The following ZNF518A variants were observed in gnomAD, a reference collection of about 807,000 sequenced individuals.
ZNF518A encodes zinc finger protein 518A, also known as zinc finger protein 518.
In ZNF518A, 47 loss-of-function variants were observed where a neutral mutation model predicts 102.7. That is an observed-to-expected ratio of 0.46 (90% confidence interval 0.36 to 0.58). The LOEUF (loss-of-function observed/expected upper bound fraction) is 0.58. Among genes scored for constraint, ZNF518A ranks in the 20% least tolerant of loss-of-function variants. The probability of loss-of-function intolerance (pLI) is 0.00; values close to 1 mark genes in which losing one functional copy is unlikely to be tolerated. For missense variants in ZNF518A, 1,793 were observed against 1,699.8 expected (o/e 1.05, Z -0.96); for synonymous variants, 652 against 594.6 (o/e 1.10, Z -1.40).
Position 96,157,500 on chromosome 10 carries a change from C to A in ZNF518A, c.1178C>A (p.Pro393Gln), listed in dbSNP as rs1467297321. 6.2e-7 allele frequency: 1 copy of A among 1,613,654 alleles called. No homozygotes were observed. The highest frequency in any genetic ancestry group is 1.3e-5 in the African/African-American group (1 of 74,872). Residue 393 changes from proline to glutamine, a missense_variant, in exon 6 of 6, where the codon CCA becomes CAA. Pro to Gln is a moderately conservative substitution (Grantham distance 76, BLOSUM62 -1). This residue lies in a region of ZNF518A where 1,741 missense variants were observed against 1,622.6 expected (regional missense o/e 1.07). Coordinates refer to ENST00000316045, the MANE Select transcript of ZNF518A (RefSeq NM_001330736.2). ...DKAPESESEK[P>Q]TPLSTGQGNR... is the part of the protein sequence containing the mutation. Reference sequence around the variant, plus strand: ...GCCCCTGAATCAGAGTCAGAGAAGCCAACTCCTCTGTCCACTGGGCAAGGT... The same window carrying A: ...GCCCCTGAATCAGAGTCAGAGAAGCAAACTCCTCTGTCCACTGGGCAAGGT...
Position 96,200,963 on chromosome 10 carries a change from T to C in ZNF518A, n.36-2611T>C. ...GTTTCCTGGTAACAATTTAGTGACA[T>C]CAAGAGTTCATTTCATACCTGTTCT... On this transcript the variant is annotated intron_variant and non_coding_transcript_variant, in intron 1 of 2. Transcript: ENST00000442635. The surrounding 1 kb of genome is among the most constrained non-coding windows in gnomAD (Gnocchi z 4.3). 1 of 1,608,702 alleles carries C rather than the reference T, an allele frequency of 6.2e-7. No individual in the cohort carries two copies. Among genetic ancestry groups the C allele is most frequent in the Non-Finnish European group, 8.5e-7 (1 of 1,175,076 alleles).
chr10:96,158,852 G>T lies in ZNF518A; in HGVS notation c.2530G>T (p.Gly844Cys). 6.2e-7 allele frequency: 1 copy of T among 1,613,766 alleles called. No individual in the cohort carries two copies. Among genetic ancestry groups the T allele is most frequent in the Admixed American group, 1.7e-5 (1 of 59,996 alleles). Residue 844 changes from glycine (G) to cysteine (C), a missense_variant, in exon 6 of 6, where the codon GGC becomes TGC. Around this residue, in one of 3 missense-constraint regions of ZNF518A, gnomAD observed 1,741 missense variants for 1,622.6 expected, o/e 1.07. Coordinates refer to ENST00000316045, the MANE Select transcript of ZNF518A (RefSeq NM_001330736.2). ...KVQGIFPVPP[G>C]SVGINVPTND... ...GCAAGGCATCTTCCCAGTTCCACCT[G>T]GCAGTGTGGGTATTAATGTGCCTAC...
chr10:96,204,011 A>G, exon 3 of ZNF518A: 3 of 1,552,224 alleles, frequency 1.9e-6, no homozygotes, highest in Non-Finnish European at 2.7e-6. Context: ...TCTAGGATCC[A>G]GCCTCGACCA....
chr10:96,164,750 T>C (rs1391420775), downstream of ZNF518A, among the ~76,000 whole-genome samples: 2 of 152,222 alleles, frequency 1.3e-5, no homozygotes, highest in Non-Finnish European at 2.9e-5. Context: ...GTCATGAATT[T>C]AGGAGATGCC....
rs184895215 is a variant in ZNF518A, at chr10:96,154,052, C to T, written c.-301-1274C>T. The stretch of plus-strand genomic sequence containing the variant: ...ATATATTCCATTTCCCCACTCTTGC[C>T]CTAGTCCCTGAAGGAGAACTGAACA... On this transcript the variant is annotated intron_variant, in intron 3 of 5. Coordinates refer to ENST00000316045, the MANE Select transcript of ZNF518A (RefSeq NM_001330736.2). Among the ~76,000 whole-genome samples, 44 of 152,280 alleles carry T rather than the reference C, an allele frequency of 2.9e-4. 3 individuals carry two copies. The East Asian group carries it at 6.6e-3, about 23-fold the overall frequency.
rs1564776478 is a variant in ZNF518A, at chr10:96,158,259, ATAATTC to A, written c.1942_1947del (p.Ser648_Asn649del). On this transcript the variant is annotated inframe_deletion, in exon 6 of 6. Transcript: ENST00000316045. The stretch of plus-strand genomic sequence containing the variant: ...CCTTTTCATAATTACTCAAAAGTGA[ATAATTC>A]TAATAAACGTCGTAGGTTTTCAGGA... 15 of 1,613,552 alleles carry A rather than the reference ATAATTC, an allele frequency of 9.3e-6. No individual in the cohort carries two copies. Among genetic ancestry groups the A allele is most frequent in the Non-Finnish European group, 1.2e-5 (14 of 1,179,618 alleles).
At chr10:96,180,902 T>C (rs587772180) in intron 1 of ZNF518A, among the ~76,000 whole-genome samples, 13 of 152,356 alleles carry the variant, frequency 8.5e-5, no homozygotes, top group Non-Finnish European at 1.5e-4. Context: ...TAGTTCTAGA[T>C]CCTTGAGGAA....
intron 1 of ZNF518A, among the ~76,000 whole-genome samples, chr10:96,195,912 T>C (rs2083454055): frequency 6.6e-6 from 1 of 152,216 alleles, no homozygotes; most frequent in Admixed American, 6.5e-5. Flanking sequence ...ATCAATTCAG[T>C]TGCTTAATAA....
chr10:96,175,855 T>G (rs2083199699), intron 1 of ZNF518A, among the ~76,000 whole-genome samples: 2 of 143,360 alleles, frequency 1.4e-5, no homozygotes, highest in Non-Finnish European at 3.0e-5. Context: ...ATTACAAGTA[T>G]TCCCTCCCTG....
In ZNF518A at chr10:96,158,664, C is replaced by T. The variant is rs781860222; in HGVS notation, c.2342C>T (p.Pro781Leu). 1.2e-6 allele frequency: 2 copies of T among 1,613,154 alleles called. No individual in the cohort carries two copies. Among genetic ancestry groups the T allele is most frequent in the Admixed American group, 1.7e-5 (1 of 59,822 alleles). Reference sequence around the variant, plus strand: ...CAACAGGCATCAGAATTTCTGCCACCTGAAGTAAACCAATTGCTTCAGGAT... The same window carrying T: ...CAACAGGCATCAGAATTTCTGCCACTTGAAGTAAACCAATTGCTTCAGGAT... ...QSQQASEFLP[P>L]EVNQLLQDVL... The change falls in exon 6 of 6, where the codon CCT becomes CTT. Residue 781 changes from proline (P) to leucine (L), a missense_variant. By Grantham distance (98) the Pro-to-Leu change is moderately conservative (BLOSUM62 -3). Around this residue, in one of 3 missense-constraint regions of ZNF518A, gnomAD observed 1,741 missense variants for 1,622.6 expected, o/e 1.07. Transcript: ENST00000316045.
At chr10:96,204,145 C>T, downstream of ZNF518A, 1 of 1,585,520 alleles carries the variant, frequency 6.3e-7, no homozygotes, top group Non-Finnish European at 8.7e-7. Context: ...GTAAGTTTGA[C>T]TTTTTGTTTA....
rs2082688165 is a variant in ZNF518A, at chr10:96,156,250, G to GT, written c.-70dup. 1 of 1,449,774 alleles carries GT rather than the reference G, an allele frequency of 6.9e-7. No homozygotes were observed. Among genetic ancestry groups the GT allele is most frequent in the Non-Finnish European group, 9.2e-7 (1 of 1,085,130 alleles). 89.8% of individuals were successfully genotyped at this position (1,449,774 alleles called of 1,614,324 possible). ...ATTGAAGATGTCTCTACACAGTATCGTTTCCTGTTTAAATTACAGATAACT... is the reference window on the plus strand; with the variant it reads ...ATTGAAGATGTCTCTACACAGTATCGTTTTCCTGTTTAAATTACAGATAACT... On this transcript the variant is annotated 5_prime_UTR_variant, in exon 6 of 6. The change abolishes the stop of an existing upstream ORF in the 5' untranslated region. Coordinates refer to ENST00000316045, the MANE Select transcript of ZNF518A (RefSeq NM_001330736.2).
intron 1 of ZNF518A, chr10:96,199,495 C>T (rs375499776): frequency 1.7e-5 from 8 of 462,048 alleles, no homozygotes; most frequent in East Asian, 6.6e-5. Context: ...GGAGCTTTCT[C>T]GTCTCCCACT....
At chr10:96,143,277 T>A (rs1468870064) in intron 3 of ZNF518A, among the ~76,000 whole-genome samples, 1 of 152,156 alleles carries the variant, frequency 6.6e-6, no homozygotes, top group Non-Finnish European at 1.5e-5. Context: ...TTTTATAACT[T>A]TTTTCTGTTC....
chr10:96,203,280 T>C (rs1300591492), intron 1 of ZNF518A, among the ~76,000 whole-genome samples: 1 of 152,200 alleles, frequency 6.6e-6, no homozygotes, highest in Non-Finnish European at 1.5e-5. Context: ...TCACTTTGTG[T>C]TGTCAGAATT....
chr10:96,180,821 T>C (rs1554891959), intron 1 of ZNF518A, among the ~76,000 whole-genome samples: 1 of 150,898 alleles, frequency 6.6e-6, no homozygotes, highest in African/African-American at 2.4e-5. Context: ...GCATGTGTCT[T>C]TATAGCAGCA....
chr10:96,165,470 C>CAAAAAA (rs35332637), downstream of ZNF518A, among the ~76,000 whole-genome samples: 1 of 112,368 alleles, frequency 8.9e-6, no homozygotes, highest in African/African-American at 3.0e-5. Flanking sequence ...CAACAACAAC[C>CAAAAAA]AAAAAAAAAA....
At chr10:96,142,304 G>A (rs1390682456) in intron 3 of ZNF518A, among the ~76,000 whole-genome samples, 1 of 90,388 alleles carries the variant, frequency 1.1e-5, no homozygotes, top group African/African-American at 4.1e-5. Context: ...AATATTCTTA[G>A]GGTGTGTGTG....
downstream of ZNF518A, chr10:96,204,517 G>A: frequency 6.2e-7 from 1 of 1,612,952 alleles, no homozygotes; most frequent in Non-Finnish European, 8.5e-7. Flanking sequence ...GATCTTTAAA[G>A]GAAAGGATTC....
Sources: gnomAD v4.1 joint callset for allele counts (sites outside exome capture counted in the v4.1 genomes callset) on GRCh38, gnomAD v4.1.1 for gene constraint, gnomAD v4.1.1 regional missense constraint, Gnocchi (gnomAD v3.1) non-coding constraint, MANE v1.5 for transcripts, NCBI Gene and HGNC (gene_info 2026-07-23, HGNC 2026-07-21) for gene names.